Variants in SRCIN1 observed in about 807,000 individuals in gnomAD.
SRCIN1 encodes the protein SRC kinase signaling inhibitor 1, also known as P130Cas-associated protein.
Under a neutral mutation model 116.2 loss-of-function variants are expected in SRCIN1, and 50 were observed. The observed-to-expected ratio is 0.43, with a 90% CI of 0.34 to 0.54. The LOEUF (loss-of-function observed/expected upper bound fraction) is 0.54. Among genes scored for constraint, SRCIN1 ranks in the 20% least tolerant of loss-of-function variants. The pLI is 0.02. For missense variants in SRCIN1, 1,446 were observed against 1,672.0 expected (o/e 0.86, Z 2.36); for synonymous variants, 736 against 750.0 (o/e 0.98, Z 0.30).
Position 38,558,475 on chromosome 17 carries a change from G to A in SRCIN1, c.2026-73C>T. On this transcript the variant is annotated intron_variant, in intron 10 of 18. Transcript: ENST00000617146. The surrounding 1 kb of genome is among the most constrained non-coding windows in gnomAD (Gnocchi z 4.6). ...CGAGGCAGGGGAAGGGCCGGGAGAA[G>A]GCGGGTAGAGGACTGCCCAATCCAG... 3 of 1,506,126 alleles carry A rather than the reference G, an allele frequency of 2.0e-6. No homozygotes were observed. The highest frequency in any genetic ancestry group is 8.8e-7 in the Non-Finnish European group (1 of 1,130,040). The allele number at this position is 1,506,126 out of a possible 1,614,324, so 93.3% of individuals were successfully genotyped here. A position where few individuals can be genotyped will look rare whatever the true frequency, so the allele number is the denominator to read the frequency against.
rs372820357 is a variant in SRCIN1 at position 38,558,193 on chromosome 17, C to T, written c.2201+34G>A. On this transcript the variant is annotated intron_variant, in intron 11 of 18. Coordinates refer to ENST00000617146, the MANE Select transcript of SRCIN1 (RefSeq NM_025248.3). This position sits in a 1 kb window ranked among gnomAD's most constrained non-coding sequence, Gnocchi z 4.6. Reference sequence around the variant, plus strand: ...GGTTGCGGGTCACTCCAGCCGCACCCCCACCCCTCCCTCCGCCGCGGGCCC... The same window carrying T: ...GGTTGCGGGTCACTCCAGCCGCACCTCCACCCCTCCCTCCGCCGCGGGCCC... 1.9e-6 allele frequency: 3 copies of T among 1,603,370 alleles called. No individual in the cohort carries two copies. The African/African-American group carries it at 4.0e-5, about 21-fold the overall frequency.
chr17:38,543,835 C>T lies in SRCIN1; in HGVS notation c.3405G>A (p.Gln1135=), dbSNP rs1455790365. The change falls in exon 18 of 19, where the codon CAG becomes CAA. Residue 1135 remains glutamine, a synonymous_variant. Coordinates refer to ENST00000617146, the MANE Select transcript of SRCIN1 (RefSeq NM_025248.3). ...TCCCCGCCCTCACCTGCTGCTGGGC[C>T]TGGATCCGCATGTACTCGGCCCTCT... ...GKQRAEYMRI[Q]AQQQATKPSK... The T allele has an allele frequency of 2.5e-6, 4 of 1,606,750 alleles. No individual in the cohort carries two copies.
rs1235928647 is a variant in SRCIN1, at chr17:38,547,202, A to G, written c.3270+1355T>C. Among the ~76,000 whole-genome samples the G allele has an allele frequency of 3.9e-5, 6 of 152,340 alleles. No homozygotes were observed. The East Asian group carries it at 1.2e-3, about 29-fold the overall frequency. Reference sequence around the variant, plus strand: ...AGAGGGCATCGTAGGCCCTTGGGCTAGTGAGGCTGTAGACGAGCCTACCCC... The same window carrying G: ...AGAGGGCATCGTAGGCCCTTGGGCTGGTGAGGCTGTAGACGAGCCTACCCC... On this transcript the variant is annotated intron_variant, in intron 17 of 18. Transcript: ENST00000617146.
intron 18 of SRCIN1, among the ~76,000 whole-genome samples, chr17:38,534,554 G>A (rs192345820): frequency 2.9e-4 from 44 of 152,312 alleles, no homozygotes; most frequent in Admixed American, 1.7e-3. Context: ...GCGCTGTGGC[G>A]AGTCACCAGA....
chr17:38,559,220 A>C, intron 10 of SRCIN1: 5 of 305,106 alleles, frequency 1.6e-5, no homozygotes, highest in East Asian at 6.4e-5. Context: ...GACTCAGGGA[A>C]AGGGATGCAG....
At chr17:38,574,337 G>A (rs1907269491) in intron 2 of SRCIN1, among the ~76,000 whole-genome samples, 1 of 152,210 alleles carries the variant, frequency 6.6e-6, no homozygotes, top group South Asian at 2.1e-4. Context: ...ACTGAAGCCT[G>A]ATGAGGAAGA....
chr17:38,568,643 G>A lies in SRCIN1; in HGVS notation c.325-412C>T, dbSNP rs1906872286. 6.6e-6 allele frequency among the ~76,000 whole-genome samples: 1 copy of A among 152,154 alleles called. No homozygotes were observed. Among genetic ancestry groups the A allele is most frequent in the South Asian group, 2.1e-4 (1 of 4,824 alleles). ...AAAAACGAGCAGCTGGAGACTGGAAGGAGAGGCCTGCTGGGCAGAGGGGAA... is the reference window on the plus strand; with the variant it reads ...AAAAACGAGCAGCTGGAGACTGGAAAGAGAGGCCTGCTGGGCAGAGGGGAA... On this transcript the variant is annotated intron_variant, in intron 2 of 18. Coordinates refer to ENST00000617146, the MANE Select transcript of SRCIN1 (RefSeq NM_025248.3). The surrounding 1 kb of genome is among the most constrained non-coding windows in gnomAD (Gnocchi z 4.5).
chr17:38,534,656 AG>A (rs1229469740), intron 18 of SRCIN1, among the ~76,000 whole-genome samples: 1 of 152,146 alleles, frequency 6.6e-6, no homozygotes, highest in Non-Finnish European at 1.5e-5. Flanking sequence ...CTTGCAGAGG[AG>A]AAGCTAGAGT....
Position 38,602,074 on chromosome 17 carries a change from G to A in SRCIN1, c.22+3610C>T, listed in dbSNP as rs1296667261. Reference sequence around the variant, plus strand: ...GGAGTGCTCTGGAGCCCAGGTATCGGGTAGAGGAACCCTGACCCCGAGGTT... The same window carrying A: ...GGAGTGCTCTGGAGCCCAGGTATCGAGTAGAGGAACCCTGACCCCGAGGTT... On this transcript the variant is annotated intron_variant, in intron 1 of 18. Transcript: ENST00000617146. The surrounding 1 kb of genome is among the most constrained non-coding windows in gnomAD (Gnocchi z 4.2). Among the ~76,000 whole-genome samples, 1 of 152,086 alleles carries A rather than the reference G, an allele frequency of 6.6e-6. No individual in the cohort carries two copies. The highest frequency in any genetic ancestry group is 6.5e-5 in the Admixed American group (1 of 15,268).
intron 2 of SRCIN1, among the ~76,000 whole-genome samples, chr17:38,576,658 C>T (rs961435693): frequency 2.6e-5 from 4 of 152,026 alleles, no homozygotes; most frequent in Non-Finnish European, 4.4e-5. Flanking sequence ...TCAAACCCGT[C>T]TCTGTATATT....
intron 1 of SRCIN1, among the ~76,000 whole-genome samples, chr17:38,587,853 A>G (rs1275537468): frequency 6.6e-6 from 1 of 151,682 alleles, no homozygotes; most frequent in African/African-American, 2.4e-5. Context: ...TTCAGACAAG[A>G]CTCCCCATCC....
chr17:38,534,206 G>A (rs1331937982), intron 18 of SRCIN1, among the ~76,000 whole-genome samples: 2 of 152,214 alleles, frequency 1.3e-5, no homozygotes, highest in Non-Finnish European at 2.9e-5. Context: ...CGGTCCTGGA[G>A]GCTTTTCCTC....
chr17:38,586,285 C>T (rs1169713124), intron 1 of SRCIN1, among the ~76,000 whole-genome samples: 1 of 152,212 alleles, frequency 6.6e-6, no homozygotes, highest in Non-Finnish European at 1.5e-5. Context: ...AGGCCATCCC[C>T]CCAGCGTGGG....
chr17:38,565,062 G>A (rs866756383), intron 3 of SRCIN1, among the ~76,000 whole-genome samples: 2 of 152,118 alleles, frequency 1.3e-5, no homozygotes, highest in African/African-American at 2.4e-5. Flanking sequence ...TCTGAGTGAC[G>A]GCAGCCACTT....
intron 1 of SRCIN1, among the ~76,000 whole-genome samples, chr17:38,584,345 AT>A (rs1285373311): frequency 2.0e-5 from 3 of 152,158 alleles, no homozygotes; most frequent in Admixed American, 6.5e-5. Flanking sequence ...GGCTGACTAT[AT>A]TTTTTGAGTC....
intron 18 of SRCIN1, chr17:38,543,275 G>A (rs1335119963): frequency 4.4e-6 from 2 of 450,132 alleles, no homozygotes; most frequent in African/African-American, 2.0e-5. Flanking sequence ...AGGCTGAAAA[G>A]CAGATGCAAA....
rs1314955081 is a variant in SRCIN1, at chr17:38,563,347, A to T, written c.716T>A (p.Val239Asp). ...CCGGACGTCCTCCAGCTCGTAGAAG[A>T]CGTTGCGAGCCTCGTCTTTGATGAG... ...AILIKDEARN[V>D]FYELEDVRDI... The change falls in exon 5 of 19, where the codon GTC (valine) becomes GAC (aspartate). Residue 239 changes from valine to aspartate, a missense_variant. Around this residue, in one of 5 missense-constraint regions of SRCIN1, gnomAD observed 239 missense variants for 317.7 expected, o/e 0.75. Coordinates refer to ENST00000617146, the MANE Select transcript of SRCIN1 (RefSeq NM_025248.3). This position sits in a 1 kb window ranked among gnomAD's most constrained non-coding sequence, Gnocchi z 5.8. The T allele has an allele frequency of 1.3e-6, 2 of 1,577,164 alleles. No individual in the cohort carries two copies. Among genetic ancestry groups the T allele is most frequent in the Admixed American group, 3.6e-5 (2 of 55,634 alleles).
In SRCIN1 at chr17:38,602,692, G is replaced by T. The variant is rs1296989447; in HGVS notation, c.22+2992C>A. The T allele has an allele frequency of 6.6e-6, 1 of 152,306 alleles. No homozygotes were observed. Among genetic ancestry groups the T allele is most frequent in the Non-Finnish European group, 1.5e-5 (1 of 68,062 alleles). The allele number at this position is 152,306 out of a possible 1,614,324, so 9.4% of individuals were successfully genotyped here. A position where few individuals can be genotyped will look rare whatever the true frequency, so the allele number is the denominator to read the frequency against. ...TTGCCAGGGCTTGGAGGAGATAAAT[G>T]CTTGAGATTCCTCGAAAGAGCAGCT... is the stretch of plus-strand genomic sequence containing the variant. On this transcript the variant is annotated intron_variant, in intron 1 of 18. Coordinates refer to ENST00000617146, the MANE Select transcript of SRCIN1 (RefSeq NM_025248.3). The surrounding 1 kb of genome is among the most constrained non-coding windows in gnomAD (Gnocchi z 4.2).
At chr17:38,571,907 C>T (rs573330058) in intron 2 of SRCIN1, among the ~76,000 whole-genome samples, 26 of 152,302 alleles carry the variant, frequency 1.7e-4, no homozygotes, top group South Asian at 2.1e-4. Flanking sequence ...CTCCTCCATC[C>T]TAGCCACTGG....
Sources: allele counts gnomAD v4.1 joint callset (sites outside exome capture counted in the v4.1 genomes callset), GRCh38; gene constraint gnomAD v4.1.1; regional missense constraint gnomAD v4.1.1; non-coding constraint Gnocchi (gnomAD v3.1); transcripts MANE v1.5; gene names NCBI Gene and HGNC (gene_info 2026-07-23, HGNC 2026-07-21).